The following CAPN2 variants were observed in gnomAD, a reference collection of about 807,000 sequenced individuals.
CAPN2 encodes calpain-2 catalytic subunit.
In CAPN2, 92 loss-of-function variants were observed where a neutral mutation model predicts 102.3. That is an observed-to-expected ratio of 0.90 (90% CI 0.76 to 1.07). CAPN2 has a LOEUF of 1.07. CAPN2 is among the 50% of genes least tolerant of loss of function. CAPN2 has a pLI of 0.00. For missense variants in CAPN2, 800 were observed against 909.4 expected, an observed-to-expected ratio of 0.88 and a Z score of 1.55; for synonymous variants, 340 against 355.4, an observed-to-expected ratio of 0.96 and a Z score of 0.49.
chr1:223,708,184 T>C (rs1659653063), upstream of CAPN2, among the ~76,000 whole-genome samples: 1 of 152,126 alleles, frequency 6.6e-6, no homozygotes, highest in Non-Finnish European at 1.5e-5. Context: ...CATTACACAA[T>C]GGAACCTGTG....
chr1:223,770,369 C>T (rs1253270082), intron 17 of CAPN2, 78 bp from the exon 18 acceptor site: 2 of 900,902 alleles, frequency 2.2e-6, no homozygotes, highest in Non-Finnish European at 3.6e-6. Flanking sequence ...ACTTCATCCC[C>T]ACTCAGCACA....
upstream of CAPN2, among the ~76,000 whole-genome samples, chr1:223,709,708 G>A (rs546218613): frequency 6.6e-6 from 1 of 151,704 alleles, no homozygotes; most frequent in South Asian, 2.1e-4. Context: ...AGGCAATCTG[G>A]TGGATGTTAT....
chr1:223,764,340 A>T (rs1661261120), intron 15 of CAPN2, 133 bp downstream of exon 15: 3 of 736,304 alleles, frequency 4.1e-6, no homozygotes, highest in Non-Finnish European at 7.4e-6. Flanking sequence ...CAAGAAGTGG[A>T]TGAAGGATTT....
At position 223,713,927 on chromosome 1, in the gene CAPN2, G is replaced by A. The variant is rs191551231; in HGVS notation, c.237+1050G>A. Among the ~76,000 whole-genome samples, 449 of 152,350 alleles carry A rather than the reference G, an allele frequency of 2.9e-3. 2 individuals carry two copies. Among genetic ancestry groups the A allele is most frequent in the African/African-American group, 0.01 (427 of 41,566 alleles). ...GTCTTCATCTAAAAGAAAACATGCT[G>A]CCTAAATATTTTCTCTCTTTTGTGG... On this transcript the variant is annotated intron_variant, in intron 1 of 20. Coordinates refer to ENST00000295006, the MANE Select transcript of CAPN2 (RefSeq NM_001748.5).
chr1:223,704,162 A>G (rs1571771660), intron 1 of CAPN2, among the ~76,000 whole-genome samples: 1 of 152,060 alleles, frequency 6.6e-6, no homozygotes, highest in South Asian at 2.1e-4. Context: ...ATGGTGGCGC[A>G]TGCCTGTAAT....
Position 223,712,614 on chromosome 1 carries a change from G to T in CAPN2, c.-27G>T, listed in dbSNP as rs966536816. 10 of 1,503,306 alleles carry T rather than the reference G, an allele frequency of 6.7e-6. No homozygotes were observed. The highest frequency in any genetic ancestry group is 4.4e-5 in the Admixed American group (2 of 45,602). The allele number at this position is 1,503,306 out of a possible 1,614,324, so 93.1% of individuals were successfully genotyped here. The stretch of plus-strand genomic sequence containing the variant: ...CGCGGAGTCGCCCCGACCTTTCTCT[G>T]CGCAGTACGGCCGCCGGGACCGCAG... On this transcript the variant is annotated 5_prime_UTR_variant, in exon 1 of 21. Transcript: ENST00000295006.
At chr1:223,708,799 A>AGAGAGAAG (rs967348525), upstream of CAPN2, among the ~76,000 whole-genome samples, 1 of 149,946 alleles carries the variant, frequency 6.7e-6, no homozygotes, top group African/African-American at 2.5e-5. Flanking sequence ...AGAGAGAGAA[A>AGAGAGAAG]GAGAGAAGGA....
chr1:223,767,411 T>G (rs1265678795), intron 16 of CAPN2, among the ~76,000 whole-genome samples: 1 of 136,354 alleles, frequency 7.3e-6, no homozygotes, highest in Non-Finnish European at 1.5e-5. Flanking sequence ...CATTGTTCAA[T>G]TCCCACCTAT....
At chr1:223,741,418 A>T (rs1660606519) in intron 2 of CAPN2, among the ~76,000 whole-genome samples, 1 of 114,594 alleles carries the variant, frequency 8.7e-6, no homozygotes, top group Non-Finnish European at 1.6e-5. Context: ...TTGGCTGTAA[A>T]ATGTATATAT....
At chr1:223,722,209 A>G (rs1031701433) in intron 2 of CAPN2, among the ~76,000 whole-genome samples, 1 of 151,420 alleles carries the variant, frequency 6.6e-6, no homozygotes, top group Non-Finnish European at 1.5e-5. Flanking sequence ...GCATTCCTCA[A>G]TTTTAAAAAT....
intron 11 of CAPN2, 57 bp downstream of exon 11, chr1:223,757,437 A>C: frequency 6.2e-7 from 1 of 1,603,092 alleles, no homozygotes; most frequent in Non-Finnish European, 8.5e-7. Context: ...AGAGGCTTAG[A>C]CTGCTGGAGC....
chr1:223,720,315 C>CTTTT (rs35138708), intron 2 of CAPN2, among the ~76,000 whole-genome samples: 27 of 107,488 alleles, frequency 2.5e-4, no homozygotes, highest in African/African-American at 3.4e-4. Context: ...CTCTTTCTCT[C>CTTTT]TTTTTTTTTT....
At position 223,752,822 on chromosome 1, in the gene CAPN2, A is replaced by T. The variant is rs772645465; in HGVS notation, c.1001A>T (p.His334Leu). The T allele has an allele frequency of 2.2e-5, 35 of 1,613,990 alleles. No homozygotes were observed. The highest frequency in any genetic ancestry group is 2.8e-5 in the Non-Finnish European group (33 of 1,180,016). The change falls in exon 9 of 21, where the codon CAC (histidine) becomes CTC (leucine). Residue 334 changes from histidine to leucine, a missense_variant. By Grantham distance (99) the His-to-Leu change is moderately conservative. Coordinates refer to ENST00000295006, the MANE Select transcript of CAPN2 (RefSeq NM_001748.5). Reference sequence around the variant, plus strand: ...ATGTCTTTCAGTGACTTCCTGAGGCACTATTCCCGCCTGGAGATCTGTAAC... The same window carrying T: ...ATGTCTTTCAGTGACTTCCTGAGGCTCTATTCCCGCCTGGAGATCTGTAAC... Reference protein sequence around the residue: ...FWMSFSDFLRHYSRLEICNLT... With the variant: ...FWMSFSDFLRLYSRLEICNLT...
chr1:223,755,676 C>T lies in CAPN2; in HGVS notation c.1305+27C>T. On this transcript the variant is annotated intron_variant, in intron 10 of 20. Transcript: ENST00000295006. This position sits in a 1 kb window ranked among gnomAD's most constrained non-coding sequence, Gnocchi z 4.1. ...TGCAGAGCGCAGGGGCTCCTGCCCT[C>T]CCTTCCCCATGTGTTCATCTCAGCC... 6.5e-7 allele frequency: 1 copy of T among 1,534,484 alleles called. No individual in the cohort carries two copies. The highest frequency in any genetic ancestry group is 8.8e-7 in the Non-Finnish European group (1 of 1,140,370).
intron 2 of CAPN2, among the ~76,000 whole-genome samples, chr1:223,737,234 G>C (rs1268605664): frequency 6.6e-6 from 1 of 152,130 alleles, no homozygotes; most frequent in Non-Finnish European, 1.5e-5. Context: ...TCCATCCCCA[G>C]CCTCTCAGGT....
chr1:223,705,442 A>G (rs1659581360), intron 1 of CAPN2, among the ~76,000 whole-genome samples: 1 of 152,176 alleles, frequency 6.6e-6, no homozygotes, highest in Non-Finnish European at 1.5e-5. Flanking sequence ...GAACTTGAGC[A>G]TATATCTGGG....
rs1290403449 is a variant in CAPN2, at chr1:223,727,088, T to C, written c.307+9257T>C. ...GGGCTGCCTAGGACCTTGAGAGATG[T>C]GTCTCTCTGGGACAGGGTGTCAGGT... On this transcript the variant is annotated intron_variant, in intron 2 of 20. Transcript: ENST00000295006. The surrounding 1 kb of genome is among the most constrained non-coding windows in gnomAD (Gnocchi z 4.1). 1.3e-5 allele frequency among the ~76,000 whole-genome samples: 2 copies of C among 152,206 alleles called. No individual in the cohort carries two copies. The highest frequency in any genetic ancestry group is 1.3e-4 in the Admixed American group (2 of 15,282).
chr1:223,775,055 C>T lies in CAPN2; in HGVS notation c.*198C>T, dbSNP rs536909519. 5.2e-5 allele frequency: 31 copies of T among 592,088 alleles called. No homozygotes were observed. Among genetic ancestry groups the T allele is most frequent in the African/African-American group, 4.3e-4 (23 of 53,736 alleles). The allele number at this position is 592,088 out of a possible 1,614,324, so 36.7% of individuals were successfully genotyped here. A position where few individuals can be genotyped will look rare whatever the true frequency, so the allele number is the denominator to read the frequency against. On this transcript the variant is annotated 3_prime_UTR_variant, in exon 21 of 21. Transcript: ENST00000295006. Reference sequence around the variant, plus strand: ...ACATCAAAGTAAAAGATTTGCATATCATTATACTAAATGCAAATGAGTCGC... The same window carrying T: ...ACATCAAAGTAAAAGATTTGCATATTATTATACTAAATGCAAATGAGTCGC...
chr1:223,747,575 G>C (rs960982872), intron 5 of CAPN2, among the ~76,000 whole-genome samples: 1 of 152,210 alleles, frequency 6.6e-6, no homozygotes, highest in East Asian at 1.9e-4. Context: ...TGGGCCTGCA[G>C]AGCAGACAGT....
Sources: allele counts gnomAD v4.1 joint callset (sites outside exome capture counted in the v4.1 genomes callset), GRCh38; gene constraint gnomAD v4.1.1; non-coding constraint Gnocchi (gnomAD v3.1); transcripts MANE v1.5; gene names NCBI Gene and HGNC (gene_info 2026-07-23, HGNC 2026-07-21).